The following TRPC7 variants were observed in gnomAD, a reference collection of about 807,000 sequenced individuals.
The protein encoded by TRPC7 is transient receptor potential cation channel subfamily C member 7.
In TRPC7, 42 loss-of-function variants were observed where a neutral mutation model predicts 90.1. The observed-to-expected ratio is 0.47, with a 90% CI of 0.36 to 0.60. The LOEUF (loss-of-function observed/expected upper bound fraction) is 0.60. Among genes scored for constraint, TRPC7 ranks in the 20% least tolerant of loss-of-function variants. TRPC7 has a pLI of 0.00. For missense variants in TRPC7, 955 were observed against 1,112.3 expected, an observed-to-expected ratio of 0.86 and a Z score of 2.01; for synonymous variants, 451 against 436.3, an observed-to-expected ratio of 1.03 and a Z score of -0.42.
At chr5:136,346,545 C>CACACATGT (rs1180020538) in intron 2 of TRPC7, among the ~76,000 whole-genome samples, 1 of 152,090 alleles carries the variant, frequency 6.6e-6, no homozygotes, top group East Asian at 1.9e-4. Flanking sequence ...ACATACAACA[C>CACACATGT]ACACATGTAC....
Position 136,365,444 on chromosome 5 carries a change from T to G in TRPC7, c.-190A>C. On this transcript the variant is annotated 5_prime_UTR_variant, in exon 1 of 12. Transcript: ENST00000513104. ...CGCTCCTCTGTTCTTTGTGTTGCAG[T>G]GGTAAAAACTCGCCTTCCGAGGCAG... 1.6e-6 allele frequency: 1 copy of G among 617,934 alleles called. No individual in the cohort carries two copies. The highest frequency in any genetic ancestry group is 2.8e-6 in the Non-Finnish European group (1 of 351,706). The allele number at this position is 617,934 out of a possible 1,614,324, so 38.3% of individuals were successfully genotyped here. A position where few individuals can be genotyped will look rare whatever the true frequency, so the allele number is the denominator to read the frequency against.
chr5:136,277,501 A>AT (rs145859430), intron 3 of TRPC7, among the ~76,000 whole-genome samples: 1 of 152,078 alleles, frequency 6.6e-6, no homozygotes, highest in Non-Finnish European at 1.5e-5. Flanking sequence ...GTATCAAAAG[A>AT]TTTTTTTCCC....
At chr5:136,340,033 C>T (rs777287789) in intron 2 of TRPC7, among the ~76,000 whole-genome samples, 2 of 151,950 alleles carry the variant, frequency 1.3e-5, no homozygotes, top group Non-Finnish European at 2.9e-5. Flanking sequence ...ATGTTAATTG[C>T]AGTATTATTT....
intron 3 of TRPC7, among the ~76,000 whole-genome samples, chr5:136,299,340 CGTGTGTGTGTGTGTGTGTGTGT>C: frequency 8.1e-6 from 1 of 122,724 alleles, no homozygotes; most frequent in South Asian, 2.8e-4. Context: ...GGGGTGTGTG[CGTGTGTGTGTGTGTGTGTGTGT>C]GTGTGTGTGT....
intron 3 of TRPC7, among the ~76,000 whole-genome samples, chr5:136,280,960 T>C (rs1757530594): frequency 6.6e-6 from 1 of 152,186 alleles, no homozygotes; most frequent in South Asian, 2.1e-4. Flanking sequence ...AAAGTGATTA[T>C]GACGACAGGG....
At chr5:136,293,663 A>G (rs1758048547) in intron 3 of TRPC7, among the ~76,000 whole-genome samples, 1 of 152,242 alleles carries the variant, frequency 6.6e-6, no homozygotes, top group Non-Finnish European at 1.5e-5. Context: ...ATGGGAGAAC[A>G]TTCCATGCTC....
At chr5:136,365,015 T>C (rs1442798571) in intron 1 of TRPC7, among the ~76,000 whole-genome samples, 1 of 152,118 alleles carries the variant, frequency 6.6e-6, no homozygotes, top group Admixed American at 6.5e-5. Context: ...AGGAATAGGC[T>C]ACCGACATGA....
chr5:136,342,577 A>G (rs757093059), intron 2 of TRPC7, among the ~76,000 whole-genome samples: 3 of 152,188 alleles, frequency 2.0e-5, no homozygotes, highest in Non-Finnish European at 4.4e-5. Context: ...ACCCTGCCTC[A>G]GTCCCTGGGG....
chr5:136,242,305 G>A (rs568304725), intron 7 of TRPC7, among the ~76,000 whole-genome samples: 13 of 152,250 alleles, frequency 8.5e-5, no homozygotes, highest in Non-Finnish European at 1.8e-4. Context: ...AAGTGGCTTG[G>A]AGATAATGAG....
intron 5 of TRPC7, among the ~76,000 whole-genome samples, chr5:136,264,875 G>A (rs1756973777): frequency 6.6e-6 from 1 of 152,274 alleles, no homozygotes; most frequent in African/African-American, 2.4e-5. Context: ...ACAGGTGTGA[G>A]CCACTGTGCC....
chr5:136,298,957 T>C (rs1336505781), intron 3 of TRPC7, among the ~76,000 whole-genome samples: 1 of 152,050 alleles, frequency 6.6e-6, no homozygotes, highest in Admixed American at 6.6e-5. Flanking sequence ...GGCTTGTTCA[T>C]GTTTGGGTGG....
At chr5:136,299,092 G>A (rs1353587998) in intron 3 of TRPC7, among the ~76,000 whole-genome samples, 1 of 151,954 alleles carries the variant, frequency 6.6e-6, no homozygotes, top group African/African-American at 2.4e-5. Flanking sequence ...ACCTGAGGTT[G>A]GGAGTTCGAG....
In TRPC7 at chr5:136,247,532, TCATGAAGGCCA is replaced by T. The variant is rs771643341; in HGVS notation, c.1772_1782del (p.Val591AspfsTer23). 1 of 1,613,764 alleles carries T rather than the reference TCATGAAGGCCA, an allele frequency of 6.2e-7. No individual in the cohort carries two copies. Among genetic ancestry groups the T allele is most frequent in the African/African-American group, 1.3e-5 (1 of 74,878 alleles). Reference sequence around the variant, plus strand: ...TAAGAGTACAGGTTGAACATCCCAATCATGAAGGCCACAAATACCATGATGAAAATGACCAT... The same window carrying T: ...TAAGAGTACAGGTTGAACATCCCAATCAAATACCATGATGAAAATGACCAT... On this transcript the variant is annotated frameshift_variant, in exon 7 of 12. Coordinates refer to ENST00000513104, the MANE Select transcript of TRPC7 (RefSeq NM_020389.3). LOFTEE classifies it high-confidence loss of function. The surrounding 1 kb of genome is among the most constrained non-coding windows in gnomAD (Gnocchi z 4.2).
At position 136,305,955 on chromosome 5, in the gene TRPC7, G is replaced by C. The variant is rs2149834414; in HGVS notation, c.963+9642C>G. ...GAATGCTACAAGGTACAGCCCGTTT[G>C]AGCTCCTTTTTATTAGGCCCCAGTC... On this transcript the variant is annotated intron_variant, in intron 3 of 11. Transcript: ENST00000513104. Among the ~76,000 whole-genome samples, 2 of 152,018 alleles carry C rather than the reference G, an allele frequency of 1.3e-5. 1 individual carries two copies. The highest frequency in any genetic ancestry group is 6.8e-3 in the Middle Eastern group (2 of 294).
intron 3 of TRPC7, among the ~76,000 whole-genome samples, chr5:136,294,802 G>A (rs1009731934): frequency 2.0e-5 from 3 of 152,140 alleles, no homozygotes; most frequent in Non-Finnish European, 4.4e-5. Context: ...ATATAACAAA[G>A]GATTATAAAT....
At chr5:136,234,998 T>A (rs984271867) in intron 7 of TRPC7, among the ~76,000 whole-genome samples, 2 of 152,170 alleles carry the variant, frequency 1.3e-5, no homozygotes, top group East Asian at 1.9e-4. Context: ...AAAAAAAAAA[T>A]TCATGGTAAA....
chr5:136,284,887 G>A (rs1488963456), intron 3 of TRPC7, among the ~76,000 whole-genome samples: 1 of 152,210 alleles, frequency 6.6e-6, no homozygotes, highest in Non-Finnish European at 1.5e-5. Context: ...GCCTCTGCCT[G>A]TGACTGTGCC....
At chr5:136,297,426 G>T (rs1758219736) in intron 3 of TRPC7, among the ~76,000 whole-genome samples, 1 of 151,804 alleles carries the variant, frequency 6.6e-6, no homozygotes, top group Non-Finnish European at 1.5e-5. Context: ...GTTTAGTAGG[G>T]AATAATAAGC....
At chr5:136,267,230 C>T (rs979181773) in intron 4 of TRPC7, among the ~76,000 whole-genome samples, 2 of 152,068 alleles carry the variant, frequency 1.3e-5, no homozygotes, top group Non-Finnish European at 2.9e-5. Context: ...CTCATGGCAC[C>T]CCATCCAAAG....
Sources: allele counts gnomAD v4.1 joint callset (sites outside exome capture counted in the v4.1 genomes callset), GRCh38; gene constraint gnomAD v4.1.1; non-coding constraint Gnocchi (gnomAD v3.1); transcripts MANE v1.5; gene names NCBI Gene and HGNC (gene_info 2026-07-23, HGNC 2026-07-21).